The following EZH2 variants were observed in gnomAD, a reference collection of about 807,000 sequenced individuals.
EZH2 encodes histone-lysine N-methyltransferase EZH2.
In EZH2, 18 loss-of-function variants were observed where a neutral mutation model predicts 98.4. The observed-to-expected ratio is 0.18, with a 90% CI of 0.13 to 0.27. The LOEUF is 0.27. EZH2 is among the 10% of genes least tolerant of loss of function. The probability of loss-of-function intolerance (pLI) is 1.00; values close to 1 mark genes in which losing one functional copy is unlikely to be tolerated. For missense variants in EZH2, 470 were observed against 935.1 expected (o/e 0.50, Z 6.49); for synonymous variants, 338 against 312.3 (o/e 1.08, Z -0.87).
At chr7:148,863,408 A>G (rs944128662) in intron 1 of EZH2, among the ~76,000 whole-genome samples, 1 of 152,218 alleles carries the variant, frequency 6.6e-6, no homozygotes, top group Non-Finnish European at 1.5e-5. Flanking sequence ...AATCTGTCAT[A>G]TGTCAGTGCC....
intron 19 of EZH2, 127 bp downstream of exon 19, chr7:148,808,944 C>G (rs2129467367): frequency 1.5e-6 from 1 of 670,112 alleles, no homozygotes; most frequent in Non-Finnish European, 2.6e-6. Context: ...AACCTAATTC[C>G]CCACTAATGC....
intron 8 of EZH2, among the ~76,000 whole-genome samples, chr7:148,822,381 AT>A (rs765178285): frequency 9.4e-4 from 143 of 151,958 alleles, no homozygotes; most frequent in Non-Finnish European, 1.5e-3. Flanking sequence ...GTGGTAGCAC[AT>A]GCCTGTAGTC....
Position 148,817,878 on chromosome 7 carries a change from A to G in EZH2, c.1239T>C (p.Ser413=), listed in dbSNP as rs1178937150. 6.2e-7 allele frequency: 1 copy of G among 1,614,212 alleles called. No individual in the cohort carries two copies. The highest frequency in any genetic ancestry group is 8.5e-7 in the Non-Finnish European group (1 of 1,180,042). Residue 413 remains serine (S), a splice_region_variant and synonymous_variant, in exon 10 of 20, where the codon TCT becomes TCC. Coordinates refer to ENST00000320356, the MANE Select transcript of EZH2 (RefSeq NM_004456.5). ...ACCCAGTTATTAGACGTGTCTTACCAGAGGAGCTCGAAGTTTCATCTTTCT... is the reference window on the plus strand; with the variant it reads ...ACCCAGTTATTAGACGTGTCTTACCGGAGGAGCTCGAAGTTTCATCTTTCT... The part of the protein sequence containing the change: ...EEKKDETSSS[S]EANSRCQTPI...
Position 148,809,110 on chromosome 7 carries a change from C to G in EZH2, c.2156G>C (p.Arg719Thr), listed in dbSNP as rs2129467496. ...CAGCTCTTCGCCAGTCTGGATGGCT[C>G]TCTTGGCAAAAATACCTATCCTGTG... Reference protein sequence around the residue: ...GDHRIGIFAKRAIQTGEELFF... With the variant: ...GDHRIGIFAKTAIQTGEELFF... Residue 719 changes from arginine to threonine, a missense_variant, in exon 19 of 20, where the codon AGA becomes ACA. This residue lies in a region of EZH2 where 106 missense variants were observed against 327.2 expected (regional missense o/e 0.32). Coordinates refer to ENST00000320356, the MANE Select transcript of EZH2 (RefSeq NM_004456.5). 6.2e-7 allele frequency: 1 copy of G among 1,614,212 alleles called. No homozygotes were observed. The highest frequency in any genetic ancestry group is 8.5e-7 in the Non-Finnish European group (1 of 1,180,026).
chr7:148,829,935 A>G, intron 4 of EZH2, 87 bp from the exon 5 acceptor site: 1 of 967,194 alleles, frequency 1.0e-6, no homozygotes, highest in South Asian at 1.8e-5. Context: ...TTTCATGTGT[A>G]CATGTCTTTA....
chr7:148,849,762 G>T (rs1230833978), intron 1 of EZH2, among the ~76,000 whole-genome samples: 3 of 152,168 alleles, frequency 2.0e-5, no homozygotes, highest in Non-Finnish European at 4.4e-5. Flanking sequence ...CTTCCTATCT[G>T]CTAGTTAGTT....
intron 1 of EZH2, among the ~76,000 whole-genome samples, chr7:148,853,900 A>G (rs1563044292): frequency 6.6e-6 from 1 of 152,142 alleles, no homozygotes; most frequent in East Asian, 1.9e-4. Flanking sequence ...GAAAAAGTAG[A>G]GCTTCCTCCA....
At position 148,826,549 on chromosome 7, in the gene EZH2, G is replaced by T; in HGVS notation, c.812C>A (p.Ser271Tyr). The T allele has an allele frequency of 6.3e-7, 1 of 1,597,300 alleles. No homozygotes were observed. The highest frequency in any genetic ancestry group is 1.1e-5 in the South Asian group (1 of 88,218). ...TPNIDGPNAK[S>Y]VQREQSLHSF... Reference sequence around the variant, plus strand: ...GTGTAAGCTTTGCTCTCTCTGAACAGATTTAGCATTTGGTCCATCTATGTT... The same window carrying T: ...GTGTAAGCTTTGCTCTCTCTGAACATATTTAGCATTTGGTCCATCTATGTT... The change falls in exon 8 of 20, where the codon TCT becomes TAT. Residue 271 changes from serine to tyrosine, a missense_variant. Coordinates refer to ENST00000320356, the MANE Select transcript of EZH2 (RefSeq NM_004456.5).
chr7:148,863,149 T>G (rs891106921), intron 1 of EZH2, among the ~76,000 whole-genome samples: 1 of 151,390 alleles, frequency 6.6e-6, no homozygotes, highest in African/African-American at 2.4e-5. Context: ...CAGGCCACAC[T>G]TTGAGAACTG....
chr7:148,832,532 G>T, intron 4 of EZH2, 102 bp downstream of exon 4: 1 of 688,038 alleles, frequency 1.5e-6, no homozygotes, highest in Non-Finnish European at 2.4e-6. Flanking sequence ...TAGCTTTTTA[G>T]AATTTATACT....
At chr7:148,834,360 C>T (rs71529515) in intron 3 of EZH2, among the ~76,000 whole-genome samples, 38,882 of 125,136 alleles carry the variant, frequency 0.31, 5,195 homozygotes, top group African/African-American at 0.37. Flanking sequence ...TATACACACA[C>T]ACACACACAC....
rs1805028967 is a variant in EZH2 at position 148,817,944 on chromosome 7, A to G, written c.1173T>C (p.Thr391=). ...TATCATTGTTCTCTCCCCCCGTTTCAGTCCCTGCTTCCCTATCACTGTCTG... is the reference window on the plus strand; with the variant it reads ...TATCATTGTTCTCTCCCCCCGTTTCGGTCCCTGCTTCCCTATCACTGTCTG... ...KDTDSDREAG[T]ETGGENNDKE... Residue 391 remains threonine (T), a synonymous_variant, in exon 10 of 20, where the codon ACT becomes ACC. Coordinates refer to ENST00000320356, the MANE Select transcript of EZH2 (RefSeq NM_004456.5). The G allele has an allele frequency of 6.2e-7, 1 of 1,614,114 alleles. No individual in the cohort carries two copies. Among genetic ancestry groups the G allele is most frequent in the South Asian group, 1.1e-5 (1 of 91,078 alleles).
intron 1 of EZH2, among the ~76,000 whole-genome samples, chr7:148,852,546 A>G (rs1816022710): frequency 1.3e-5 from 2 of 152,198 alleles, no homozygotes; most frequent in African/African-American, 4.8e-5. Context: ...AGTCACAGTG[A>G]AAATCTCAGG....
intron 3 of EZH2, among the ~76,000 whole-genome samples, chr7:148,839,945 T>A (rs994017416): frequency 1.3e-5 from 2 of 152,182 alleles, no homozygotes; most frequent in African/African-American, 4.8e-5. Flanking sequence ...AATTCACAAA[T>A]ATAAACAAAC....
intron 1 of EZH2, among the ~76,000 whole-genome samples, chr7:148,855,921 AG>A (rs1816761902): frequency 1.3e-5 from 2 of 150,714 alleles, no homozygotes; most frequent in South Asian, 4.2e-4. Flanking sequence ...AAAAAAAAAA[AG>A]TAGTGACTAT....
chr7:148,873,890 T>C (rs1413624875), intron 1 of EZH2, among the ~76,000 whole-genome samples: 1 of 152,030 alleles, frequency 6.6e-6, no homozygotes, highest in African/African-American at 2.4e-5. Flanking sequence ...ACACATGTTA[T>C]GGTACTTCTA....
intron 1 of EZH2, among the ~76,000 whole-genome samples, chr7:148,861,401 AT>A (rs1325624191): frequency 5.3e-5 from 8 of 151,788 alleles, no homozygotes; most frequent in Admixed American, 3.3e-4. Flanking sequence ...TAATTTTTGT[AT>A]TTTTAGTAGA....
chr7:148,831,588 T>C (rs1281510376), intron 4 of EZH2, among the ~76,000 whole-genome samples: 3 of 152,176 alleles, frequency 2.0e-5, no homozygotes, highest in African/African-American at 7.2e-5. Flanking sequence ...TTAAATAATA[T>C]ATTCTTCCAG....
At chr7:148,842,814 C>T (rs1812811742) in intron 3 of EZH2, among the ~76,000 whole-genome samples, 1 of 152,044 alleles carries the variant, frequency 6.6e-6, no homozygotes. Flanking sequence ...ACCTGTAATC[C>T]CAGTACTTTG....
Sources: allele counts gnomAD v4.1 joint callset (sites outside exome capture counted in the v4.1 genomes callset), GRCh38; gene constraint gnomAD v4.1.1; regional missense constraint gnomAD v4.1.1; transcripts MANE v1.5; gene names NCBI Gene and HGNC (gene_info 2026-07-23, HGNC 2026-07-21).